GALE: variants seen among roughly 807,000 people sequenced by gnomAD.
The protein encoded by GALE is UDP-glucose 4-epimerase.
A neutral mutation model predicts 44.1 loss-of-function variants in GALE; 32 were observed. The observed-to-expected ratio is 0.73, with a 90% CI of 0.55 to 0.97. The LOEUF is 0.97. Ranked by LOEUF, GALE falls within the 50% of genes least tolerant of loss-of-function variation. The pLI is 0.00. For synonymous variants in GALE, 182 were observed against 183.5 expected (o/e 0.99, Z 0.06); for missense variants, 423 against 455.6 (o/e 0.93, Z 0.65).
chr1:23,796,958 A>G lies in GALE; in HGVS notation c.643-16T>C. The G allele has an allele frequency of 1.2e-6, 2 of 1,612,000 alleles. No homozygotes were observed. Among genetic ancestry groups the G allele is most frequent in the Non-Finnish European group, 1.7e-6 (2 of 1,178,976 alleles). ...CGATCGCCACCTGGAGGTGGAGATC[A>G]GGTCAGTTCGTCCCAGATCCCAGGC... On this transcript the variant is annotated splice_polypyrimidine_tract_variant and intron_variant, in intron 7 of 11. Coordinates refer to ENST00000617979, the MANE Select transcript of GALE (RefSeq NM_001008216.2). The surrounding 1 kb of genome is among the most constrained non-coding windows in gnomAD (Gnocchi z 5.2).
In GALE at chr1:23,798,867, A is replaced by G; in HGVS notation, c.121+20T>C. The stretch of plus-strand genomic sequence containing the variant: ...TTCTGCCATCCCCTCAAGTAGCCCC[A>G]GCCCCACTGCCCCGCTCACCACGGA... On this transcript the variant is annotated intron_variant, in intron 3 of 11. Coordinates refer to ENST00000617979, the MANE Select transcript of GALE (RefSeq NM_001008216.2). This position sits in a 1 kb window ranked among gnomAD's most constrained non-coding sequence, Gnocchi z 4.5. 6.2e-7 allele frequency: 1 copy of G among 1,614,154 alleles called. No individual in the cohort carries two copies. The highest frequency in any genetic ancestry group is 8.5e-7 in the Non-Finnish European group (1 of 1,180,032).
chr1:23,796,438 G>A lies in GALE; in HGVS notation c.873+71C>T. The A allele has an allele frequency of 7.7e-7, 1 of 1,306,558 alleles. No homozygotes were observed. The highest frequency in any genetic ancestry group is 1.0e-6 in the Non-Finnish European group (1 of 977,222). 80.9% of individuals were successfully genotyped at this position (1,306,558 alleles called of 1,614,324 possible). Reference sequence around the variant, plus strand: ...CCCTCCAGAGAGGTGAGTGGGAAGGGCCAAAGCTGCTCTGTTGCTGAGAGC... The same window carrying A: ...CCCTCCAGAGAGGTGAGTGGGAAGGACCAAAGCTGCTCTGTTGCTGAGAGC... On this transcript the variant is annotated intron_variant, in intron 10 of 11. Transcript: ENST00000617979. This position sits in a 1 kb window ranked among gnomAD's most constrained non-coding sequence, Gnocchi z 5.2.
chr1:23,799,754 C>T (rs577214514), intron 1 of GALE: 1 of 154,368 alleles, frequency 6.5e-6, no homozygotes, highest in Non-Finnish European at 1.4e-5. Context: ...CAGCCTCTGC[C>T]CATGCCAGGG....
In GALE at chr1:23,799,390, T is replaced by C; in HGVS notation, c.-30A>G. 1.8e-5 allele frequency: 6 copies of C among 338,114 alleles called. No homozygotes were observed. The highest frequency in any genetic ancestry group is 4.8e-5 in the South Asian group (2 of 41,386). The allele number at this position is 338,114 out of a possible 1,614,324, so 20.9% of individuals were successfully genotyped here. ...CCTTGGAGTTGGAAAAGATGGAATC[T>C]GAGGATCCACACTTCTTTGTCCAAG... On this transcript the variant is annotated 5_prime_UTR_variant, in exon 2 of 12. Transcript: ENST00000617979.
At chr1:23,797,656 C>T (rs775703679) in intron 6 of GALE, 39 bp downstream of exon 6, 13 of 1,600,806 alleles carry the variant, frequency 8.1e-6, no homozygotes, top group East Asian at 4.5e-5. Flanking sequence ...AGGAGTCCAT[C>T]GATCAGTGGA....
chr1:23,797,824 G>C lies in GALE; in HGVS notation c.399C>G (p.Ala133=). The C allele has an allele frequency of 6.2e-7, 1 of 1,614,188 alleles. No individual in the cohort carries two copies. The highest frequency in any genetic ancestry group is 8.5e-7 in the Non-Finnish European group (1 of 1,180,020). The part of the protein sequence containing the change: ...GVKNLVFSSS[A]TVYGNPQYLP... The stretch of plus-strand genomic sequence containing the variant: ...GGTACTGGGGGTTCCCGTACACAGT[G>C]GCTGAGCTGCTGAACACCAGGTTCT... The change falls in exon 6 of 12, where the codon GCC becomes GCG. Residue 133 remains alanine (A), a synonymous_variant. Coordinates refer to ENST00000617979, the MANE Select transcript of GALE (RefSeq NM_001008216.2).
At position 23,796,670 on chromosome 1, in the gene GALE, T is replaced by C. The variant is rs751415373; in HGVS notation, c.795+27A>G. The C allele has an allele frequency of 1.2e-6, 2 of 1,613,798 alleles. No homozygotes were observed. The highest frequency in any genetic ancestry group is 1.7e-6 in the Non-Finnish European group (2 of 1,179,864). Reference sequence around the variant, plus strand: ...CTCTGCCTGGATCTGGTCCCTCCCCTCCCTCACTTCTCCCTTCTCTTCCTA... The same window carrying C: ...CTCTGCCTGGATCTGGTCCCTCCCCCCCCTCACTTCTCCCTTCTCTTCCTA... On this transcript the variant is annotated intron_variant, in intron 9 of 11. Transcript: ENST00000617979. This position sits in a 1 kb window ranked among gnomAD's most constrained non-coding sequence, Gnocchi z 5.2.
intron 2 of GALE, 28 bp downstream of exon 2, chr1:23,799,338 A>T (rs967451043): frequency 3.3e-5 from 13 of 392,784 alleles, no homozygotes; most frequent in Non-Finnish European, 4.8e-5. Context: ...CCTGACACAC[A>T]GGCACCTTAT....
rs150919841 is a variant in GALE at position 23,798,931 on chromosome 1, C to T, written c.77G>A (p.Gly26Asp). The T allele has an allele frequency of 4.0e-5, 64 of 1,614,076 alleles. No homozygotes were observed. Among genetic ancestry groups the T allele is most frequent in the Non-Finnish European group, 5.3e-5 (63 of 1,180,040 alleles). Residue 26 changes from glycine (G) to aspartate (D), a missense_variant, in exon 3 of 12, where the codon GGC becomes GAC. Physicochemically the swap from Gly to Asp is moderately conservative, Grantham distance 94 (BLOSUM62 -1). Transcript: ENST00000617979. This position sits in a 1 kb window ranked among gnomAD's most constrained non-coding sequence, Gnocchi z 4.5. ...GTTATCGATGACCACAGGCAAGTAGCCAGCCTCCAGCAGCTCCAGCACCGT... is the reference window on the plus strand; with the variant it reads ...GTTATCGATGACCACAGGCAAGTAGTCAGCCTCCAGCAGCTCCAGCACCGT... ...SHTVLELLEA[G>D]YLPVVIDNFH...
Position 23,798,014 on chromosome 1 carries a change from G to T in GALE, c.351+103C>A. On this transcript the variant is annotated intron_variant, in intron 5 of 11. Transcript: ENST00000617979. This position sits in a 1 kb window ranked among gnomAD's most constrained non-coding sequence, Gnocchi z 4.5. ...CTGAGACTGGGAGGTAAAGACATGA[G>T]TCCAGGATGATACAGCTTGGGCTCT... The T allele has an allele frequency of 2.3e-6, 3 of 1,319,676 alleles. No homozygotes were observed. The highest frequency in any genetic ancestry group is 4.6e-5 in the East Asian group (2 of 43,438). 81.7% of individuals were successfully genotyped at this position (1,319,676 alleles called of 1,614,324 possible).
Position 23,796,036 on chromosome 1 carries a change from G to A in GALE, c.989-29C>T. 1.9e-6 allele frequency: 3 copies of A among 1,612,776 alleles called. No homozygotes were observed. The highest frequency in any genetic ancestry group is 1.1e-5 in the South Asian group (1 of 90,902). On this transcript the variant is annotated intron_variant, in intron 11 of 11. Coordinates refer to ENST00000617979, the MANE Select transcript of GALE (RefSeq NM_001008216.2). This position sits in a 1 kb window ranked among gnomAD's most constrained non-coding sequence, Gnocchi z 5.2. ...CAACACGGCGAGGTGTGTGCTCAGG[G>A]CCCACGGTGGAATGCAGAGCCTCCC...
Position 23,797,154 on chromosome 1 carries a change from G to C in GALE, c.529-7C>G, listed in dbSNP as rs746112534. On this transcript the variant is annotated splice_polypyrimidine_tract_variant and splice_region_variant and intron_variant, in intron 6 of 11. Coordinates refer to ENST00000617979, the MANE Select transcript of GALE (RefSeq NM_001008216.2). Reference sequence around the variant, plus strand: ...GCAGCACTGCGTTCCAAGTCTGTGGGATGTGGGTCAGGTGGTGAGGCCAGA... The same window carrying C: ...GCAGCACTGCGTTCCAAGTCTGTGGCATGTGGGTCAGGTGGTGAGGCCAGA... The C allele has an allele frequency of 6.3e-7, 1 of 1,597,162 alleles. No homozygotes were observed. The highest frequency in any genetic ancestry group is 1.3e-5 in the African/African-American group (1 of 74,740).
rs3180382 is a variant in GALE at position 23,796,942 on chromosome 1, C to A, written c.643G>T (p.Val215Leu). The A allele has an allele frequency of 1.2e-6, 2 of 1,613,292 alleles. No homozygotes were observed. Among genetic ancestry groups the A allele is most frequent in the Non-Finnish European group, 1.7e-6 (2 of 1,179,680 alleles). Residue 215 changes from valine (V) to leucine (L), a missense_variant and splice_region_variant, in exon 8 of 12, where the codon GTG becomes TTG. By Grantham distance (32) the Val-to-Leu change is conservative. Coordinates refer to ENST00000617979, the MANE Select transcript of GALE (RefSeq NM_001008216.2). The surrounding 1 kb of genome is among the most constrained non-coding windows in gnomAD (Gnocchi z 5.2). ...PNNLMPYVSQ[V>L]AIGRREALNV... ...AGGGCCTCCCGTCGCCCGATCGCCA[C>A]CTGGAGGTGGAGATCAGGTCAGTTC...
At position 23,799,017 on chromosome 1, in the gene GALE, C is replaced by T; in HGVS notation, c.-5-5G>A. 2.5e-6 allele frequency: 4 copies of T among 1,614,134 alleles called. No homozygotes were observed. The highest frequency in any genetic ancestry group is 3.4e-6 in the Non-Finnish European group (4 of 1,180,030). On this transcript the variant is annotated splice_polypyrimidine_tract_variant and splice_region_variant and intron_variant, in intron 2 of 11. Transcript: ENST00000617979. Reference sequence around the variant, plus strand: ...GCACCTTCTCTGCCATGGCACCTGGCCCAGGATACAGAGTCTCAGAGGTGG... The same window carrying T: ...GCACCTTCTCTGCCATGGCACCTGGTCCAGGATACAGAGTCTCAGAGGTGG...
rs1570633629 is a variant in GALE, at chr1:23,798,117, C to T, written c.351G>A (p.Glu117=). ...CTGTGCCCTGTCCCATGCCTCTCAC[C>T]TCCAGAAGCTGGATGGTCCCGGTCA... ...VNLTGTIQLL[E]IMKAHGVKNL... is the part of the protein sequence containing the mutation. Residue 117 remains glutamate, a splice_region_variant and synonymous_variant, in exon 5 of 12, where the codon GAG becomes GAA. Coordinates refer to ENST00000617979, the MANE Select transcript of GALE (RefSeq NM_001008216.2). The surrounding 1 kb of genome is among the most constrained non-coding windows in gnomAD (Gnocchi z 4.5). The T allele has an allele frequency of 6.2e-7, 1 of 1,611,822 alleles. No individual in the cohort carries two copies. The highest frequency in any genetic ancestry group is 2.2e-5 in the East Asian group (1 of 44,858).
rs1322922932 is a variant in GALE, at chr1:23,795,733, A to G, written c.*216T>C. ...TCACTCACTCTTGGGGGTCCTGATGAACTCTTGGACCCTGTGGAAGATAAG... is the reference window on the plus strand; with the variant it reads ...TCACTCACTCTTGGGGGTCCTGATGGACTCTTGGACCCTGTGGAAGATAAG... On this transcript the variant is annotated 3_prime_UTR_variant, in exon 12 of 12. Transcript: ENST00000617979. The G allele has an allele frequency of 6.6e-6, 4 of 607,270 alleles. No homozygotes were observed. In the African/African-American group the frequency reaches 7.4e-5, roughly 11 times the overall value. 37.6% of individuals were successfully genotyped at this position (607,270 alleles called of 1,614,324 possible).
chr1:23,797,463 G>T (rs554118482), intron 6 of GALE, among the ~76,000 whole-genome samples: 1 of 152,192 alleles, frequency 6.6e-6, no homozygotes, highest in South Asian at 2.1e-4. Flanking sequence ...CAGGTGATCT[G>T]CCCACCTGGG....
Position 23,796,713 on chromosome 1 carries a change from T to C in GALE, c.779A>G (p.Glu260Gly), listed in dbSNP as rs776041803. 1.2e-6 allele frequency: 2 copies of C among 1,613,224 alleles called. No homozygotes were observed. Among genetic ancestry groups the C allele is most frequent in the Non-Finnish European group, 1.7e-6 (2 of 1,179,630 alleles). Residue 260 changes from glutamate (E) to glycine (G), a missense_variant, in exon 9 of 12, where the codon GAA becomes GGA. Transcript: ENST00000617979. The surrounding 1 kb of genome is among the most constrained non-coding windows in gnomAD (Gnocchi z 5.2). ...TCTTCCTACCCGGCAGCCACACTGTTCTTTCAGCTTCCTTAAGGCTGCAAT... is the reference window on the plus strand; with the variant it reads ...TCTTCCTACCCGGCAGCCACACTGTCCTTTCAGCTTCCTTAAGGCTGCAAT... ...GHIAALRKLK[E>G]QCGCRIYNLG...
In GALE at chr1:23,795,950, C is replaced by T; in HGVS notation, c.1046G>A (p.Ter349=). 1.2e-6 allele frequency: 2 copies of T among 1,613,802 alleles called. No individual in the cohort carries two copies. The highest frequency in any genetic ancestry group is 1.7e-6 in the Non-Finnish European group (2 of 1,179,894). Residue 349 remains the stop codon, a stop_retained_variant, in exon 12 of 12, where the codon TGA becomes TAA. Transcript: ENST00000617979. ...QNPSGFGTQA[*] is the part of the protein sequence containing the mutation. ...CTGGTCCTTGGTAGGGGAGGGTCCT[C>T]AGGCTTGCGTGCCAAAGCCTGAAGG...
Sources: gnomAD v4.1 joint callset for allele counts (sites outside exome capture counted in the v4.1 genomes callset) on GRCh38, gnomAD v4.1.1 for gene constraint, Gnocchi (gnomAD v3.1) non-coding constraint, MANE v1.5 for transcripts, NCBI Gene and HGNC (gene_info 2026-07-23, HGNC 2026-07-21) for gene names.